Variants in PRKN observed in about 807,000 individuals in gnomAD.
The protein encoded by PRKN is parkin RBR E3 ubiquitin protein ligase.
A neutral mutation model predicts 59.5 loss-of-function variants in PRKN; 56 were observed. The ratio of observed to expected loss-of-function variants is 0.94; its 90% CI spans 0.76 to 1.18. The LOEUF (loss-of-function observed/expected upper bound fraction) is 1.18. Among genes scored for constraint, PRKN ranks in the 50% most tolerant of loss-of-function variants. The pLI is 0.00. For missense variants in PRKN, 657 were observed against 596.4 expected (o/e 1.10, Z -1.06); for synonymous variants, 250 against 222.1 (o/e 1.13, Z -1.12).
chr6:162,255,273 C>A (rs1055667825), intron 3 of PRKN, among the ~76,000 whole-genome samples: 1 of 151,976 alleles, frequency 6.6e-6, no homozygotes, highest in African/African-American at 2.4e-5. Flanking sequence ...CAATATTGGG[C>A]CTTTGTACAT....
intron 4 of PRKN, among the ~76,000 whole-genome samples, chr6:162,176,380 C>T (rs186215705): frequency 1.5e-4 from 23 of 152,120 alleles, no homozygotes; most frequent in African/African-American, 5.1e-4. Flanking sequence ...AGAGCCACAC[C>T]GTCTCGTGGA....
In PRKN at chr6:161,680,764, TATATATATA is replaced by T. The variant is rs1351861363; in HGVS notation, c.871+104999_871+105007del. ...ATATATATATATATATATATATATA[TATATATATA>T]TATTTTTTTTTTTTTTTCTTTTCCT... is the stretch of plus-strand genomic sequence containing the variant. On this transcript the variant is annotated intron_variant, in intron 7 of 11. Coordinates refer to ENST00000366898, the MANE Select transcript of PRKN (RefSeq NM_004562.3). Among the ~76,000 whole-genome samples the T allele has an allele frequency of 3.3e-3, 61 of 18,486 alleles. 2 individuals carry two copies. Among genetic ancestry groups the T allele is most frequent in the African/African-American group, 5.9e-3 (34 of 5,766 alleles). The allele number at this position is 18,486 out of a possible 152,430, so 12.1% of individuals were successfully genotyped here.
intron 5 of PRKN, among the ~76,000 whole-genome samples, chr6:161,989,975 C>A (rs1781582443): frequency 6.6e-6 from 1 of 152,154 alleles, no homozygotes. Flanking sequence ...CTGCCACCAC[C>A]ACCACTGGTG....
chr6:161,535,505 T>C (rs944835349), intron 9 of PRKN, among the ~76,000 whole-genome samples: 1 of 152,182 alleles, frequency 6.6e-6, no homozygotes, highest in Non-Finnish European at 1.5e-5. Flanking sequence ...AGGCTGACAT[T>C]TGTCCGCTCA....
intron 7 of PRKN, among the ~76,000 whole-genome samples, chr6:161,649,146 A>G (rs989292486): frequency 1.1e-4 from 17 of 152,216 alleles, no homozygotes; most frequent in African/African-American, 3.6e-4. Flanking sequence ...TTGAAAAGAC[A>G]GTGAGACAAT....
In PRKN at chr6:161,468,267, C is replaced by T. The variant is rs548016553; in HGVS notation, c.1083+80587G>A. The stretch of plus-strand genomic sequence containing the variant: ...GGATTACAGGCATGAGCCGCCATGC[C>T]CAGCCTCTTACCCTATACTTTAAAA... On this transcript the variant is annotated intron_variant, in intron 9 of 11. Coordinates refer to ENST00000366898, the MANE Select transcript of PRKN (RefSeq NM_004562.3). The surrounding 1 kb of genome is among the most constrained non-coding windows in gnomAD (Gnocchi z 5.9). Among the ~76,000 whole-genome samples, 1 of 152,180 alleles carries T rather than the reference C, an allele frequency of 6.6e-6. No homozygotes were observed. Among genetic ancestry groups the T allele is most frequent in the South Asian group, 2.1e-4 (1 of 4,830 alleles).
At chr6:161,598,685 A>G (rs1160138095) in intron 7 of PRKN, among the ~76,000 whole-genome samples, 2 of 152,248 alleles carry the variant, frequency 1.3e-5, no homozygotes, top group Non-Finnish European at 2.9e-5. Flanking sequence ...CCTTCAAAGC[A>G]TAAGATACAG....
intron 5 of PRKN, among the ~76,000 whole-genome samples, chr6:162,005,845 T>C (rs550682903): frequency 2.6e-4 from 40 of 152,032 alleles, no homozygotes; most frequent in Admixed American, 6.6e-4. Context: ...AGGAGAAAGG[T>C]TGTGTATTAT....
At chr6:161,380,103 T>A (rs369323274) in intron 10 of PRKN, among the ~76,000 whole-genome samples, 16 of 151,978 alleles carry the variant, frequency 1.1e-4, no homozygotes, top group East Asian at 3.9e-4. Context: ...GTCAAGGGAG[T>A]GTCTTCCACC....
intron 2 of PRKN, among the ~76,000 whole-genome samples, chr6:162,387,531 AACACAC>A (rs1157932001): frequency 4.1e-5 from 5 of 121,922 alleles, no homozygotes; most frequent in Non-Finnish European, 8.2e-5. Context: ...CCCTCCTCAC[AACACAC>A]ACACACACAC....
chr6:162,442,720 T>C lies in PRKN; in HGVS notation c.171+590A>G, dbSNP rs149960727. ...ACAATGTTACTGAACCTTGGAGAAA[T>C]TCATGCAAAGGTATACTGTTGTTGT... On this transcript the variant is annotated intron_variant, in intron 2 of 11. Coordinates refer to ENST00000366898, the MANE Select transcript of PRKN (RefSeq NM_004562.3). Among the ~76,000 whole-genome samples the C allele has an allele frequency of 3.1e-3, 471 of 152,212 alleles. 3 individuals carry two copies. The highest frequency in any genetic ancestry group is 0.01 in the African/African-American group (434 of 41,528).
Position 162,235,986 on chromosome 6 carries a change from AAAG to A in PRKN, c.412+26536_412+26538del, listed in dbSNP as rs200129938. 6.2e-4 allele frequency among the ~76,000 whole-genome samples: 62 copies of A among 100,730 alleles called. No individual in the cohort carries two copies. In the East Asian group the frequency reaches 6.3e-3, roughly 10 times the overall value. The allele number at this position is 100,730 out of a possible 152,430, so 66.1% of individuals were successfully genotyped here. ...GAAAGAAAGAAAGAAAGAAAGAAAGAAAGAAAGAAAGAAAGAAAGAAAGAAAGA... is the reference window on the plus strand; with the variant it reads ...GAAAGAAAGAAAGAAAGAAAGAAAGAAAAGAAAGAAAGAAAGAAAGAAAGA... On this transcript the variant is annotated intron_variant, in intron 3 of 11. Coordinates refer to ENST00000366898, the MANE Select transcript of PRKN (RefSeq NM_004562.3).
chr6:161,666,620 G>T (rs920346207), intron 7 of PRKN, among the ~76,000 whole-genome samples: 11 of 152,116 alleles, frequency 7.2e-5, no homozygotes, highest in Admixed American at 3.9e-4. Context: ...AAAACTACAT[G>T]CAAGGCAAAT....
At chr6:162,478,050 G>A (rs564412602) in intron 1 of PRKN, among the ~76,000 whole-genome samples, 3 of 152,240 alleles carry the variant, frequency 2.0e-5, no homozygotes, top group East Asian at 1.9e-4. Context: ...AGAGCACAGG[G>A]CGAACATGGT....
intron 1 of PRKN, among the ~76,000 whole-genome samples, chr6:162,706,216 G>A (rs1778333769): frequency 6.6e-6 from 1 of 151,512 alleles, no homozygotes. Flanking sequence ...GAATTAAAGA[G>A]GCAAATGAAG....
intron 4 of PRKN, among the ~76,000 whole-genome samples, chr6:162,147,630 T>C (rs991601852): frequency 2.0e-5 from 3 of 152,284 alleles, no homozygotes; most frequent in Middle Eastern, 3.4e-3. Context: ...CTTTATAAAA[T>C]AGAAAGTAAA....
At chr6:162,380,851 G>A (rs1256738915) in intron 2 of PRKN, among the ~76,000 whole-genome samples, 2 of 152,116 alleles carry the variant, frequency 1.3e-5, no homozygotes, top group East Asian at 3.9e-4. Flanking sequence ...GAAGTAAGGT[G>A]TTTAAGAGTC....
intron 3 of PRKN, among the ~76,000 whole-genome samples, chr6:162,217,423 C>G (rs1777730763): frequency 6.6e-6 from 1 of 152,162 alleles, no homozygotes; most frequent in Non-Finnish European, 1.5e-5. Context: ...CTCTGTTGCC[C>G]AGCCTGGAGT....
intron 1 of PRKN, among the ~76,000 whole-genome samples, chr6:162,552,879 T>G (rs967172365): frequency 6.6e-6 from 1 of 151,996 alleles, no homozygotes; most frequent in African/African-American, 2.4e-5. Flanking sequence ...GAATCGTAGA[T>G]GTAGGAGAAA....
Sources: allele counts gnomAD v4.1 joint callset (sites outside exome capture counted in the v4.1 genomes callset), GRCh38; gene constraint gnomAD v4.1.1; non-coding constraint Gnocchi (gnomAD v3.1); transcripts MANE v1.5; gene names NCBI Gene and HGNC (gene_info 2026-07-23, HGNC 2026-07-21).